Variants in AKAP6 observed in about 807,000 individuals in gnomAD.
The protein encoded by AKAP6 is A-kinase anchor protein 6.
In AKAP6, 58 loss-of-function variants were observed where a neutral mutation model predicts 188.5. The ratio of observed to expected loss-of-function variants is 0.31; its 90% confidence interval spans 0.25 to 0.38. The LOEUF (loss-of-function observed/expected upper bound fraction) is 0.38. Among genes scored for constraint, AKAP6 ranks in the 10% least tolerant of loss-of-function variants. AKAP6 has a pLI of 1.00. For missense variants in AKAP6, 2,710 were observed against 2,740.0 expected (o/e 0.99, Z 0.24); for synonymous variants, 989 against 998.6 (o/e 0.99, Z 0.18).
At chr14:32,756,552 C>A (rs2032340135) in intron 11 of AKAP6, among the ~76,000 whole-genome samples, 1 of 151,994 alleles carries the variant, frequency 6.6e-6, no homozygotes, top group Admixed American at 6.6e-5. Context: ...TTGGCTTCAG[C>A]CCATGGGTTC....
intron 11 of AKAP6, among the ~76,000 whole-genome samples, chr14:32,756,754 T>C (rs2032348828): frequency 6.6e-6 from 1 of 152,020 alleles, no homozygotes; most frequent in Non-Finnish European, 1.5e-5. Context: ...GTCCTGGTGC[T>C]AGGGTCTCCT....
chr14:32,527,450 A>T (rs1215261418), intron 2 of AKAP6, among the ~76,000 whole-genome samples: 1 of 152,198 alleles, frequency 6.6e-6, no homozygotes, highest in Non-Finnish European at 1.5e-5. Context: ...TGTGGATATG[A>T]GTTTTCAACT....
intron 2 of AKAP6, chr14:32,473,858 G>A (rs1878913241): frequency 6.6e-6 from 1 of 152,248 alleles, no homozygotes; most frequent in South Asian, 2.1e-4. Context: ...CTGGGTCATG[G>A]ATCTGCTGCT....
At chr14:32,509,093 A>G (rs2139010943) in intron 2 of AKAP6, among the ~76,000 whole-genome samples, 1 of 142,546 alleles carries the variant, frequency 7.0e-6, no homozygotes, top group African/African-American at 2.6e-5. Flanking sequence ...TGCTGAGATT[A>G]CAGGCGTAAG....
chr14:32,709,381 C>T (rs1890946622), intron 9 of AKAP6, among the ~76,000 whole-genome samples: 1 of 151,906 alleles, frequency 6.6e-6, no homozygotes, highest in South Asian at 2.1e-4. Flanking sequence ...CTGCTCAGAA[C>T]TATACCCTGG....
chr14:32,361,101 T>G (rs17098900), intron 1 of AKAP6, among the ~76,000 whole-genome samples: 14,239 of 150,334 alleles, frequency 0.095, 865 homozygotes, highest in African/African-American at 0.14. Context: ...CATCTTAGAT[T>G]GGACAGGTGG....
rs765831903 is a variant in AKAP6 at position 32,823,581 on chromosome 14, A to G, written c.5768A>G (p.His1923Arg). The G allele has an allele frequency of 1.1e-5, 17 of 1,613,878 alleles. No homozygotes were observed. Among genetic ancestry groups the G allele is most frequent in the African/African-American group, 2.7e-5 (2 of 74,928 alleles). Residue 1923 changes from histidine to arginine, a missense_variant, in exon 13 of 14, where the codon CAT (histidine) becomes CGT (arginine). Around this residue, in one of 2 missense-constraint regions of AKAP6, gnomAD observed 2,473 missense variants for 2,426.1 expected, o/e 1.02. Transcript: ENST00000280979. ...TSKVSENLGSHGKEISESEHC... is the reference protein window; with the variant it reads ...TSKVSENLGSRGKEISESEHC... ...AAGGTATCAGAAAATCTTGGTTCAC[A>G]TGGGAAAGAGATTTCAGAGAGTGAG...
chr14:32,654,856 A>T (rs1399196897), intron 7 of AKAP6, among the ~76,000 whole-genome samples: 4 of 19,696 alleles, frequency 2.0e-4, no homozygotes, highest in Admixed American at 6.0e-4. Flanking sequence ...CTCAGGAATA[A>T]AAAAAAAAAG....
chr14:32,514,812 G>T (rs964204313), intron 2 of AKAP6, among the ~76,000 whole-genome samples: 1 of 152,134 alleles, frequency 6.6e-6, no homozygotes, highest in Non-Finnish European at 1.5e-5. Flanking sequence ...TAAGTAGGAG[G>T]GTGGAGGAGT....
At chr14:32,644,744 T>G (rs1237468272) in intron 7 of AKAP6, among the ~76,000 whole-genome samples, 1 of 152,150 alleles carries the variant, frequency 6.6e-6, no homozygotes, top group African/African-American at 2.4e-5. Flanking sequence ...CATCACAAAC[T>G]GAAATGTCTG....
intron 3 of AKAP6, 111 bp downstream of exon 3, chr14:32,535,916 C>G: frequency 1.4e-6 from 2 of 1,456,928 alleles, no homozygotes; most frequent in Non-Finnish European, 1.8e-6. Context: ...TAAGCAGGCC[C>G]TGATGGGCTT....
chr14:32,521,085 C>A (rs964417288), intron 2 of AKAP6, among the ~76,000 whole-genome samples: 1 of 151,896 alleles, frequency 6.6e-6, no homozygotes, highest in African/African-American at 2.4e-5. Context: ...ACCACAGAAA[C>A]CACATGATTA....
chr14:32,630,615 G>A (rs1594796589), intron 7 of AKAP6, among the ~76,000 whole-genome samples: 1 of 152,150 alleles, frequency 6.6e-6, no homozygotes, highest in East Asian at 1.9e-4. Flanking sequence ...CAACAGAAGT[G>A]AAATTATAAC....
At chr14:32,408,265 TCTG>T (rs747202546) in intron 1 of AKAP6, among the ~76,000 whole-genome samples, 9 of 152,086 alleles carry the variant, frequency 5.9e-5, no homozygotes, top group Non-Finnish European at 1.3e-4. Flanking sequence ...AGAACAAAAA[TCTG>T]CTGAGGGATA....
intron 7 of AKAP6, among the ~76,000 whole-genome samples, chr14:32,628,625 T>C (rs1346129987): frequency 1.3e-5 from 2 of 152,130 alleles, no homozygotes; most frequent in Non-Finnish European, 2.9e-5. Flanking sequence ...GGCCTGTTTA[T>C]ATGGCTAGAT....
intron 12 of AKAP6, among the ~76,000 whole-genome samples, chr14:32,809,606 G>A (rs1051786756): frequency 5.3e-5 from 8 of 152,138 alleles, no homozygotes; most frequent in Non-Finnish European, 8.8e-5. Context: ...ATCAGGCAAC[G>A]TAATAAATGA....
intron 9 of AKAP6, among the ~76,000 whole-genome samples, chr14:32,713,820 G>A (rs972999592): frequency 6.6e-6 from 1 of 152,012 alleles, no homozygotes; most frequent in Non-Finnish European, 1.5e-5. Context: ...TCAGCAATAA[G>A]GCTGTTTTAC....
chr14:32,728,395 A>G (rs867739507), intron 9 of AKAP6, among the ~76,000 whole-genome samples: 1 of 139,850 alleles, frequency 7.2e-6, no homozygotes, highest in African/African-American at 2.7e-5. Flanking sequence ...TCTATCTATC[A>G]ATCGTATCTA....
chr14:32,695,881 G>A, intron 8 of AKAP6, 109 bp from the exon 9 acceptor site: 1 of 1,327,488 alleles, frequency 7.5e-7, no homozygotes, highest in Non-Finnish European at 1.0e-6. Context: ...TTCTCTTATT[G>A]TAGATAACAC....
Sources: gnomAD v4.1 joint callset for allele counts (sites outside exome capture counted in the v4.1 genomes callset) on GRCh38, gnomAD v4.1.1 for gene constraint, gnomAD v4.1.1 regional missense constraint, MANE v1.5 for transcripts, NCBI Gene and HGNC (gene_info 2026-07-23, HGNC 2026-07-21) for gene names.